GABRA5: variants seen among roughly 807,000 people sequenced by gnomAD.
GABRA5 encodes the protein gamma-aminobutyric acid receptor subunit alpha-5.
Under a neutral mutation model 47.3 loss-of-function variants are expected in GABRA5, and 18 were observed. The ratio of observed to expected loss-of-function variants is 0.38; its 90% CI spans 0.26 to 0.56. The LOEUF is 0.56. Ranked by LOEUF, GABRA5 falls within the 20% of genes least tolerant of loss-of-function variation. The pLI is 0.71. For missense variants in GABRA5, 365 were observed against 599.3 expected (o/e 0.61, Z 4.08); for synonymous variants, 237 against 229.3 (o/e 1.03, Z -0.30).
intron 6 of GABRA5, among the ~76,000 whole-genome samples, chr15:26,908,526 G>T (rs1018292005): frequency 2.0e-5 from 3 of 152,178 alleles, no homozygotes; most frequent in Non-Finnish European, 4.4e-5. Context: ...TTCCGATGGG[G>T]CACAACTCTG....
In GABRA5 at chr15:26,914,798, T is replaced by C; in HGVS notation, c.498-5T>C. The C allele has an allele frequency of 6.2e-7, 1 of 1,612,810 alleles. No individual in the cohort carries two copies. The highest frequency in any genetic ancestry group is 8.5e-7 in the Non-Finnish European group (1 of 1,178,810). ...GTTCAAAGGTCTTCATCTTTTATTT[T>C]TCAGCTTGACCATCTCTGCAGAGTG... On this transcript the variant is annotated splice_polypyrimidine_tract_variant and splice_region_variant and intron_variant, in intron 6 of 10. Coordinates refer to ENST00000335625, the MANE Select transcript of GABRA5 (RefSeq NM_000810.4).
chr15:26,928,470 G>A (rs1894012587), intron 7 of GABRA5, among the ~76,000 whole-genome samples: 1 of 152,164 alleles, frequency 6.6e-6, no homozygotes, highest in South Asian at 2.1e-4. Flanking sequence ...GAATCTGAAT[G>A]TTTGTTTCCT....
chr15:26,876,156 G>A (rs1207526991), intron 3 of GABRA5, among the ~76,000 whole-genome samples: 1 of 152,314 alleles, frequency 6.6e-6, no homozygotes, highest in East Asian at 1.9e-4. Context: ...AGGGCAGTAG[G>A]GAAGAGGTTT....
chr15:26,879,764 G>C (rs1452651418), intron 3 of GABRA5, among the ~76,000 whole-genome samples: 1 of 152,174 alleles, frequency 6.6e-6, no homozygotes, highest in East Asian at 1.9e-4. Flanking sequence ...TCTGATTTCA[G>C]CCTTTTCATG....
chr15:26,946,019 C>G (rs1047071613), intron 10 of GABRA5, among the ~76,000 whole-genome samples: 1 of 152,198 alleles, frequency 6.6e-6, no homozygotes, highest in Non-Finnish European at 1.5e-5. Context: ...GCAAAACTGC[C>G]ATCGCATTTC....
chr15:26,931,784 A>G (rs1894113766), intron 7 of GABRA5, among the ~76,000 whole-genome samples: 1 of 152,200 alleles, frequency 6.6e-6, no homozygotes. Flanking sequence ...AGAACAAAAC[A>G]CAAATGGCCA....
chr15:26,886,652 A>G (rs1328792582), intron 6 of GABRA5, among the ~76,000 whole-genome samples: 1 of 152,168 alleles, frequency 6.6e-6, no homozygotes, highest in Non-Finnish European at 1.5e-5. Flanking sequence ...AATCCACCAC[A>G]TTTGAAAATT....
intron 7 of GABRA5, among the ~76,000 whole-genome samples, chr15:26,936,666 G>A (rs900971549): frequency 1.7e-4 from 26 of 152,330 alleles, no homozygotes; most frequent in East Asian, 1.2e-3. Flanking sequence ...CCAGGATGGC[G>A]TGGACAGCAG....
intron 7 of GABRA5, among the ~76,000 whole-genome samples, chr15:26,932,821 C>G (rs149875363): frequency 6.6e-6 from 1 of 152,048 alleles, no homozygotes; most frequent in East Asian, 1.9e-4. Flanking sequence ...CTGAAGCCAT[C>G]ATCCTCAGCA....
intron 7 of GABRA5, among the ~76,000 whole-genome samples, chr15:26,924,958 T>C (rs1192177796): frequency 6.6e-6 from 1 of 152,174 alleles, no homozygotes; most frequent in African/African-American, 2.4e-5. Flanking sequence ...TGCCTGCTTC[T>C]TTCTACCATT....
In GABRA5 at chr15:26,883,085, G is replaced by A. The variant is rs1316796993; in HGVS notation, c.209-81G>A. The A allele has an allele frequency of 4.4e-6, 5 of 1,146,624 alleles. No individual in the cohort carries two copies. Among genetic ancestry groups the A allele is most frequent in the South Asian group, 1.2e-5 (1 of 81,474 alleles). 71.0% of individuals were successfully genotyped at this position (1,146,624 alleles called of 1,614,324 possible). A position where few individuals can be genotyped will look rare whatever the true frequency, so the allele number is the denominator to read the frequency against. On this transcript the variant is annotated intron_variant, in intron 4 of 10. Transcript: ENST00000335625. The surrounding 1 kb of genome is among the most constrained non-coding windows in gnomAD (Gnocchi z 4.8). Reference sequence around the variant, plus strand: ...CCCCCGGTTGCAGAGGGTGACCCTGGTTACTGGACTGAGAGCACGAGAGTG... The same window carrying A: ...CCCCCGGTTGCAGAGGGTGACCCTGATTACTGGACTGAGAGCACGAGAGTG...
Position 26,883,163 on chromosome 15 carries a change from C to T in GABRA5, c.209-3C>T, listed in dbSNP as rs998169714. 6 of 1,613,516 alleles carry T rather than the reference C, an allele frequency of 3.7e-6. No individual in the cohort carries two copies. Among genetic ancestry groups the T allele is most frequent in the Middle Eastern group, 3.3e-4 (2 of 6,058 alleles). On this transcript the variant is annotated splice_polypyrimidine_tract_variant and splice_region_variant and intron_variant, in intron 4 of 10. Coordinates refer to ENST00000335625, the MANE Select transcript of GABRA5 (RefSeq NM_000810.4). This position sits in a 1 kb window ranked among gnomAD's most constrained non-coding sequence, Gnocchi z 4.8. ...AGCCCAGGGACCTGTGTCTGTCTTT[C>T]AGAGCGCATCACTCAGGTGAGGACC...
chr15:26,932,916 G>A, intron 7 of GABRA5, among the ~76,000 whole-genome samples: 1 of 152,060 alleles, frequency 6.6e-6, no homozygotes, highest in African/African-American at 2.4e-5. Context: ...TGGACACAGG[G>A]TGGGGAATAA....
chr15:26,937,558 G>C (rs1894276492), intron 8 of GABRA5, among the ~76,000 whole-genome samples: 1 of 152,222 alleles, frequency 6.6e-6, no homozygotes, highest in African/African-American at 2.4e-5. Flanking sequence ...AGAGGCACCA[G>C]CTGTGGCCGG....
At chr15:26,940,833 C>T (rs765099602) in intron 9 of GABRA5, among the ~76,000 whole-genome samples, 6 of 152,184 alleles carry the variant, frequency 3.9e-5, no homozygotes, top group Non-Finnish European at 7.3e-5. Flanking sequence ...CCAGCAGGCA[C>T]AGTTGAGCGT....
intron 7 of GABRA5, among the ~76,000 whole-genome samples, chr15:26,927,178 G>A (rs760076037): frequency 3.3e-5 from 5 of 151,224 alleles, no homozygotes; most frequent in East Asian, 1.9e-4. Flanking sequence ...ATCTCTGCTC[G>A]CTGCAACCTC....
chr15:26,923,921 T>G (rs1048984996), intron 7 of GABRA5, among the ~76,000 whole-genome samples: 5 of 152,114 alleles, frequency 3.3e-5, no homozygotes. Context: ...TATTTTTTTT[T>G]CTATAGCTTC....
chr15:26,926,923 G>A (rs993103726), intron 7 of GABRA5, among the ~76,000 whole-genome samples: 1 of 152,108 alleles, frequency 6.6e-6, no homozygotes, highest in Non-Finnish European at 1.5e-5. Flanking sequence ...ACCAACTGCA[G>A]TTAAATCATT....
intron 3 of GABRA5, among the ~76,000 whole-genome samples, chr15:26,875,290 A>G (rs1478250268): frequency 6.6e-6 from 1 of 152,176 alleles, no homozygotes; most frequent in Non-Finnish European, 1.5e-5. Flanking sequence ...CCACATCTGC[A>G]ATGTCTCCCT....
Sources: allele counts gnomAD v4.1 joint callset (sites outside exome capture counted in the v4.1 genomes callset), GRCh38; gene constraint gnomAD v4.1.1; non-coding constraint Gnocchi (gnomAD v3.1); transcripts MANE v1.5; gene names NCBI Gene and HGNC (gene_info 2026-07-23, HGNC 2026-07-21).